The following LIMS1 variants were observed in gnomAD, a reference collection of about 807,000 sequenced individuals.
LIMS1 encodes LIM and senescent cell antigen-like-containing domain protein 1.
A neutral mutation model predicts 44.1 loss-of-function variants in LIMS1; 18 were observed. That is an observed-to-expected ratio of 0.41 (90% CI 0.28 to 0.61). The LOEUF (loss-of-function observed/expected upper bound fraction) is 0.61, where lower values mean the gene tolerates loss of function less well. Among genes scored for constraint, LIMS1 ranks in the 20% least tolerant of loss-of-function variants. LIMS1 has a pLI of 0.32. For synonymous variants in LIMS1, 93 were observed against 149.1 expected, an observed-to-expected ratio of 0.62 and a Z score of 2.74; for missense variants, 201 against 422.0, an observed-to-expected ratio of 0.48 and a Z score of 4.59.
chr2:108,636,781 A>T (rs1689282540), intron 1 of LIMS1, among the ~76,000 whole-genome samples: 1 of 152,190 alleles, frequency 6.6e-6, no homozygotes, highest in Non-Finnish European at 1.5e-5. Context: ...CCATAGCTTC[A>T]TTCCGTGACA....
At chr2:108,586,566 C>T (rs1686113852) in intron 1 of LIMS1, among the ~76,000 whole-genome samples, 1 of 152,204 alleles carries the variant, frequency 6.6e-6, no homozygotes, top group Admixed American at 6.5e-5. Context: ...CATGGTACGT[C>T]CTTATGCGAG....
chr2:108,556,243 A>G (rs1166747381), intron 1 of LIMS1, among the ~76,000 whole-genome samples: 1 of 152,168 alleles, frequency 6.6e-6, no homozygotes, highest in African/African-American at 2.4e-5. Flanking sequence ...AATGTCCCCA[A>G]GGTTCATCCA....
At chr2:108,594,752 A>C (rs1399681295) in intron 1 of LIMS1, among the ~76,000 whole-genome samples, 2 of 152,212 alleles carry the variant, frequency 1.3e-5, no homozygotes, top group Admixed American at 1.3e-4. Context: ...TGTCCAAGCT[A>C]TATACATATC....
chr2:108,632,709 G>A (rs552556572), intron 1 of LIMS1, among the ~76,000 whole-genome samples: 44 of 152,312 alleles, frequency 2.9e-4, no homozygotes, highest in Non-Finnish European at 5.0e-4. Flanking sequence ...GTGAGTAGTG[G>A]CACTTCAGCA....
At chr2:108,623,180 T>C (rs1324284424) in intron 1 of LIMS1, among the ~76,000 whole-genome samples, 1 of 151,870 alleles carries the variant, frequency 6.6e-6, no homozygotes, top group African/African-American at 2.4e-5. Context: ...AAGTATAGGT[T>C]AGCCAAGAAA....
At chr2:108,545,770 A>C (rs550826656) in intron 1 of LIMS1, among the ~76,000 whole-genome samples, 11 of 152,344 alleles carry the variant, frequency 7.2e-5, no homozygotes, top group Admixed American at 3.3e-4. Context: ...CACCTCTTTC[A>C]TAATAAATGG....
At chr2:108,637,959 G>A (rs990445081) in intron 1 of LIMS1, among the ~76,000 whole-genome samples, 2 of 151,470 alleles carry the variant, frequency 1.3e-5, no homozygotes, top group Non-Finnish European at 2.9e-5. Flanking sequence ...AGGCTCAAGC[G>A]ATCCTCCTAC....
chr2:108,610,976 T>A (rs1419825479), intron 1 of LIMS1, among the ~76,000 whole-genome samples: 2 of 152,208 alleles, frequency 1.3e-5, no homozygotes, highest in Admixed American at 1.3e-4. Context: ...ATCTTCATCA[T>A]GTCTTTTTTC....
At chr2:108,643,335 A>G (rs1164928082) in intron 1 of LIMS1, among the ~76,000 whole-genome samples, 1 of 152,226 alleles carries the variant, frequency 6.6e-6, no homozygotes, top group African/African-American at 2.4e-5. Flanking sequence ...CAGTGGGTGC[A>G]GCCCAAGGAG....
intron 1 of LIMS1, among the ~76,000 whole-genome samples, chr2:108,638,900 G>C (rs576095702): frequency 3.9e-5 from 6 of 151,994 alleles, no homozygotes; most frequent in Admixed American, 3.3e-4. Flanking sequence ...AAAATTAGCC[G>C]GGCGTGTTGA....
Position 108,658,716 on chromosome 2 carries a change from C to T in LIMS1, c.33-889C>T, listed in dbSNP as rs1195013413. Among the ~76,000 whole-genome samples, 14 of 152,398 alleles carry T rather than the reference C, an allele frequency of 9.2e-5. No homozygotes were observed. The South Asian group carries it at 1.5e-3, about 16-fold the overall frequency. ...GTGTTTTAAGGTGTAGTGAGGCTACCGATGGGGGAATTTCCCACGTCACCA... is the reference window on the plus strand; with the variant it reads ...GTGTTTTAAGGTGTAGTGAGGCTACTGATGGGGGAATTTCCCACGTCACCA... On this transcript the variant is annotated intron_variant, in intron 1 of 9. Coordinates refer to ENST00000544547, the Ensembl canonical transcript of LIMS1.
At chr2:108,569,079 G>A (rs1459901232) in intron 1 of LIMS1, among the ~76,000 whole-genome samples, 1 of 152,124 alleles carries the variant, frequency 6.6e-6, no homozygotes. Context: ...TTTTAGTAGA[G>A]ATGGGGTTTC....
intron 1 of LIMS1, among the ~76,000 whole-genome samples, chr2:108,535,185 C>A (rs901784372): frequency 3.3e-5 from 5 of 152,244 alleles, no homozygotes; most frequent in African/African-American, 1.2e-4. Flanking sequence ...GTTCTCCCAT[C>A]TCCTTTGCAG....
At chr2:108,558,580 A>G (rs1303822025) in intron 1 of LIMS1, among the ~76,000 whole-genome samples, 1 of 152,094 alleles carries the variant, frequency 6.6e-6, no homozygotes, top group Non-Finnish European at 1.5e-5. Flanking sequence ...TTAGATGTGA[A>G]TAAATTGACA....
intron 1 of LIMS1, among the ~76,000 whole-genome samples, chr2:108,598,876 T>C (rs1302166947): frequency 4.6e-5 from 7 of 152,098 alleles, no homozygotes; most frequent in Non-Finnish European, 1.0e-4. Context: ...AATGATATTT[T>C]GTTTAAGTTT....
At chr2:108,663,735 A>AT (rs1341551675) in intron 2 of LIMS1, among the ~76,000 whole-genome samples, 3 of 151,456 alleles carry the variant, frequency 2.0e-5, no homozygotes, top group South Asian at 2.1e-4. Flanking sequence ...GTAAAGACCC[A>AT]TTTTTTTAAT....
At chr2:108,609,669 T>C (rs1434682297) in intron 1 of LIMS1, among the ~76,000 whole-genome samples, 2 of 152,196 alleles carry the variant, frequency 1.3e-5, no homozygotes. Context: ...TCCTCAGATA[T>C]GATACTTCAG....
At chr2:108,593,496 G>T (rs563125858) in intron 1 of LIMS1, among the ~76,000 whole-genome samples, 1 of 152,286 alleles carries the variant, frequency 6.6e-6, no homozygotes, top group East Asian at 1.9e-4. Flanking sequence ...CTGTCTTTGT[G>T]AAAAGGGACA....
rs923725406 is a variant in LIMS1 at position 108,621,535 on chromosome 2, G to A, written c.33-38070G>A. ...AAGTGCAGTGGGGATTCATGCCTAA[G>A]TGGATGCAGCGTTGGGAAGTACTCA... On this transcript the variant is annotated intron_variant, in intron 1 of 9. Coordinates refer to ENST00000544547, the Ensembl canonical transcript of LIMS1. The A allele has an allele frequency of 5.6e-6, 6 of 1,068,618 alleles. No homozygotes were observed. In the African/African-American group the frequency reaches 9.4e-5, roughly 17 times the overall value. 66.2% of individuals were successfully genotyped at this position (1,068,618 alleles called of 1,614,324 possible).
Sources: gnomAD v4.1 joint callset for allele counts (sites outside exome capture counted in the v4.1 genomes callset) on GRCh38, gnomAD v4.1.1 for gene constraint, MANE v1.5 for transcripts, NCBI Gene and HGNC (gene_info 2026-07-23, HGNC 2026-07-21) for gene names.